The following MID1 variants were observed in gnomAD, a reference collection of about 807,000 sequenced individuals.
The protein encoded by MID1 is midline 1.
In MID1, 7 loss-of-function variants were observed where a neutral mutation model predicts 40.4. The ratio of observed to expected loss-of-function variants is 0.17; its 90% CI spans 0.10 to 0.33. The LOEUF (loss-of-function observed/expected upper bound fraction) is 0.33. MID1 is among the 10% of genes least tolerant of loss of function. The pLI is 1.00. For missense variants in MID1, 367 were observed against 558.5 expected, an observed-to-expected ratio of 0.66 and a Z score of 3.46; for synonymous variants, 229 against 221.2, an observed-to-expected ratio of 1.04 and a Z score of -0.31.
At chrX:10,549,674 C>T (rs1933832313) in intron 2 of MID1, among the ~76,000 whole-genome samples, 1 of 112,983 alleles carries the variant, frequency 8.9e-6, no homozygotes, top group South Asian at 3.6e-4. Context: ...AAACTTTTTC[C>T]ACCAAGTTTG....
intron 1 of MID1, among the ~76,000 whole-genome samples, chrX:10,704,731 T>TACACACACAC (rs1386328577): frequency 2.8e-4 from 23 of 82,082 alleles, no homozygotes; most frequent in African/African-American, 1.3e-3. Flanking sequence ...TATATATATA[T>TACACACACAC]ATATATATAC....
chrX:10,670,291 A>T (rs1167673237), intron 1 of MID1, among the ~76,000 whole-genome samples: 1 of 112,111 alleles, frequency 8.9e-6, no homozygotes, highest in Admixed American at 9.5e-5. Context: ...TAAAAACCAC[A>T]TTCCTTTCAG....
intron 1 of MID1, among the ~76,000 whole-genome samples, chrX:10,714,438 T>C (rs768871008): frequency 8.9e-6 from 1 of 112,207 alleles, no homozygotes; most frequent in South Asian, 3.8e-4. Context: ...TGGAAACTTA[T>C]ATAGCTCACT....
chrX:10,689,996 A>G (rs1602518778), intron 1 of MID1, among the ~76,000 whole-genome samples: 2 of 86,508 alleles, frequency 2.3e-5, no homozygotes, highest in East Asian at 8.4e-4. Context: ...AAAACAGGAA[A>G]TTTGGAGTGC....
intron 5 of MID1, among the ~76,000 whole-genome samples, chrX:10,481,935 C>G (rs73492980): frequency 0.069 from 7,750 of 111,686 alleles, 566 homozygotes; most frequent in African/African-American, 0.22. Context: ...TTAAAAGAAG[C>G]CCGTATGAGG....
At chrX:10,783,080 T>C (rs1408228622) in intron 1 of MID1, among the ~76,000 whole-genome samples, 1 of 112,126 alleles carries the variant, frequency 8.9e-6, no homozygotes, top group Non-Finnish European at 1.9e-5. Context: ...CTAGCGTGAC[T>C]GAGAAACTGA....
intron 1 of MID1, among the ~76,000 whole-genome samples, chrX:10,666,787 C>T (rs1235446949): frequency 2.7e-5 from 3 of 111,535 alleles, no homozygotes; most frequent in East Asian, 2.8e-4. Context: ...AATTTAATTA[C>T]GGTCCTCAGC....
intron 1 of MID1, among the ~76,000 whole-genome samples, chrX:10,669,230 T>TAAAAA (rs761817483): frequency 1.1e-4 from 5 of 47,019 alleles, no homozygotes; most frequent in Admixed American, 2.9e-4. Flanking sequence ...CGTCTCAAAA[T>TAAAAA]AAAAAAAAAA....
chrX:10,684,030 A>T (rs2043077262), intron 1 of MID1, among the ~76,000 whole-genome samples: 1 of 110,071 alleles, frequency 9.1e-6, no homozygotes, highest in African/African-American at 3.3e-5. Context: ...TCGGCCTCCC[A>T]AAATGCTGGG....
chrX:10,553,196 C>T (rs866105232), intron 2 of MID1, among the ~76,000 whole-genome samples: 6 of 107,701 alleles, frequency 5.6e-5, no homozygotes, highest in African/African-American at 2.0e-4. Flanking sequence ...TGCAGTGAGC[C>T]GAGATCACGC....
intron 1 of MID1, among the ~76,000 whole-genome samples, chrX:10,796,918 A>G (rs1175321637): frequency 6.3e-5 from 7 of 111,603 alleles, no homozygotes; most frequent in African/African-American, 2.0e-4. Flanking sequence ...AATGCTTCCA[A>G]ATAACTTTCA....
intron 1 of MID1, among the ~76,000 whole-genome samples, chrX:10,820,342 T>G (rs766148920): frequency 2.7e-5 from 3 of 112,200 alleles, no homozygotes; most frequent in African/African-American, 9.7e-5. Flanking sequence ...ACTGGAAATG[T>G]GAAGTTTCTT....
chrX:10,830,279 G>A (rs1036592598), intron 1 of MID1, among the ~76,000 whole-genome samples: 55 of 112,521 alleles, frequency 4.9e-4, no homozygotes, highest in African/African-American at 1.8e-3. Context: ...GATCAAGTAA[G>A]TTTGCAGCAA....
intron 2 of MID1, among the ~76,000 whole-genome samples, chrX:10,536,499 G>A (rs763596310): frequency 1.8e-5 from 2 of 112,544 alleles, no homozygotes; most frequent in African/African-American, 6.4e-5. Context: ...TTGCTAAAGC[G>A]GAAGTCAAAT....
At position 10,674,539 on chromosome X, in the gene MID1, G is replaced by A. The variant is rs754803400; in HGVS notation, c.-186-54120C>T. ...CCTCATAAGGCAGTAGTGAAAAATG[G>A]CCAAAGTATTTCAGAAGATCAACCT... On this transcript the variant is annotated intron_variant, in intron 1 of 10. Transcript: ENST00000380785. 5.3e-5 allele frequency among the ~76,000 whole-genome samples: 6 copies of A among 112,225 alleles called. No homozygotes were observed. The South Asian group carries it at 2.2e-3, about 42-fold the overall frequency.
At chrX:10,457,243 C>T (rs748497652) in intron 8 of MID1, among the ~76,000 whole-genome samples, 28 of 111,387 alleles carry the variant, frequency 2.5e-4, no homozygotes, top group Non-Finnish European at 4.7e-4. Flanking sequence ...TTGGAAAGAC[C>T]GGCCTTGTGA....
chrX:10,752,935 C>G (rs1265120222), intron 1 of MID1, among the ~76,000 whole-genome samples: 1 of 112,298 alleles, frequency 8.9e-6, no homozygotes, highest in Non-Finnish European at 1.9e-5. Context: ...GGCCTAAAAC[C>G]AGTTGAGATG....
At chrX:10,497,477 T>G (rs1460225076) in intron 3 of MID1, among the ~76,000 whole-genome samples, 2 of 111,744 alleles carry the variant, frequency 1.8e-5, no homozygotes. Flanking sequence ...GGATGTCTGA[T>G]CAACTTGGCC....
At chrX:10,764,221 G>T (rs183267397) in intron 1 of MID1, among the ~76,000 whole-genome samples, 6,461 of 111,359 alleles carry the variant, frequency 0.058, 490 homozygotes, top group African/African-American at 0.2. Context: ...TTTTGGTGTT[G>T]TAGACATGAA....
Sources: allele counts gnomAD v4.1 joint callset (sites outside exome capture counted in the v4.1 genomes callset), GRCh38; gene constraint gnomAD v4.1.1; transcripts MANE v1.5; gene names NCBI Gene and HGNC (gene_info 2026-07-23, HGNC 2026-07-21).